Variants in ABCE1 observed in about 807,000 individuals in gnomAD.
ABCE1 encodes ATP binding cassette subfamily E member 1.
In ABCE1, 22 loss-of-function variants were observed where a neutral mutation model predicts 83.4. The observed-to-expected ratio is 0.26, with a 90% CI of 0.19 to 0.38. The LOEUF is 0.38. Ranked by LOEUF, ABCE1 falls within the 10% of genes least tolerant of loss-of-function variation. The probability of loss-of-function intolerance (pLI) is 1.00; values close to 1 mark genes in which losing one functional copy is unlikely to be tolerated. For synonymous variants in ABCE1, 204 were observed against 233.7 expected (o/e 0.87, Z 1.16); for missense variants, 330 against 721.9 (o/e 0.46, Z 6.22).
Position 145,105,691 on chromosome 4 carries a change from G to A in ABCE1, c.189+1G>A. ...TATTGGTTGTGGTATCTGTATTAAG[G>A]TAAGTAATATTTTATTTACTGGATC... On this transcript the variant is annotated splice_donor_variant, in intron 3 of 17. Transcript: ENST00000296577. LOFTEE classifies it high-confidence loss of function. 1 of 1,584,570 alleles carries A rather than the reference G, an allele frequency of 6.3e-7. No individual in the cohort carries two copies. Among genetic ancestry groups the A allele is most frequent in the Non-Finnish European group, 8.6e-7 (1 of 1,158,522 alleles).
At chr4:145,113,823 G>C (rs774127291) in intron 9 of ABCE1, among the ~76,000 whole-genome samples, 5 of 152,118 alleles carry the variant, frequency 3.3e-5, no homozygotes, top group Non-Finnish European at 5.9e-5. Flanking sequence ...TGTTAGATGG[G>C]TTAGGGACAG....
chr4:145,110,140 G>A lies in ABCE1; in HGVS notation c.443G>A (p.Arg148His), dbSNP rs1243976803. Reference sequence around the variant, plus strand: ...TGGCAGGAGATTTTGACTTATTTCCGTGGATCTGAATTACAAAATTACTTT... The same window carrying A: ...TGGCAGGAGATTTTGACTTATTTCCATGGATCTGAATTACAAAATTACTTT... ...PDWQEILTYF[R>H]GSELQNYFTK... Residue 148 changes from arginine to histidine, a missense_variant, in exon 6 of 18, where the codon CGT becomes CAT. Physicochemically the swap from Arg to His is conservative, Grantham distance 29. Coordinates refer to ENST00000296577, the MANE Select transcript of ABCE1 (RefSeq NM_002940.3). The A allele has an allele frequency of 3.2e-6, 5 of 1,576,288 alleles. No homozygotes were observed. Among genetic ancestry groups the A allele is most frequent in the Non-Finnish European group, 4.3e-6 (5 of 1,166,096 alleles).
At position 145,098,381 on chromosome 4, in the gene ABCE1, C is replaced by T. The variant is rs919093450; in HGVS notation, c.-66C>T. Reference sequence around the variant, plus strand: ...AAAGTGAAGGCAAGAGCTGATTTGGCCTCTGTGCTCCCCTCCGCAAGGGGA... The same window carrying T: ...AAAGTGAAGGCAAGAGCTGATTTGGTCTCTGTGCTCCCCTCCGCAAGGGGA... On this transcript the variant is annotated 5_prime_UTR_variant, in exon 1 of 18. Transcript: ENST00000296577. The T allele has an allele frequency of 6.6e-6, 1 of 152,392 alleles. No homozygotes were observed. Among genetic ancestry groups the T allele is most frequent in the African/African-American group, 2.4e-5 (1 of 41,482 alleles). The allele number at this position is 152,392 out of a possible 1,614,324, so 9.4% of individuals were successfully genotyped here. A position where few individuals can be genotyped will look rare whatever the true frequency, so the allele number is the denominator to read the frequency against.
At position 145,112,336 on chromosome 4, in the gene ABCE1, G is replaced by C. The variant is rs776333289; in HGVS notation, c.800+8G>C. Reference sequence around the variant, plus strand: ...TCTAATAAATCCAGATAGGTAAGTAGAGATCTGGCATATTACTGTGTTGTT... The same window carrying C: ...TCTAATAAATCCAGATAGGTAAGTACAGATCTGGCATATTACTGTGTTGTT... On this transcript the variant is annotated splice_region_variant and intron_variant, in intron 9 of 17. Coordinates refer to ENST00000296577, the MANE Select transcript of ABCE1 (RefSeq NM_002940.3). 1.3e-6 allele frequency: 2 copies of C among 1,525,438 alleles called. No homozygotes were observed. Among genetic ancestry groups the C allele is most frequent in the South Asian group, 1.2e-5 (1 of 82,740 alleles). The allele number at this position is 1,525,438 out of a possible 1,614,324, so 94.5% of individuals were successfully genotyped here.
rs775407247 is a variant in ABCE1 at position 145,101,017 on chromosome 4, A to G, written c.-28+2598A>G. 9.9e-4 allele frequency among the ~76,000 whole-genome samples: 151 copies of G among 152,092 alleles called. 2 individuals carry two copies. The highest frequency in any genetic ancestry group is 7.8e-4 in the Non-Finnish European group (53 of 68,020). On this transcript the variant is annotated intron_variant, in intron 1 of 17. Coordinates refer to ENST00000296577, the MANE Select transcript of ABCE1 (RefSeq NM_002940.3). ...GTGTATGTGTTTGTAGAGAGACAAT[A>G]TACATACACACACCCACGATAGATG... is the stretch of plus-strand genomic sequence containing the variant.
At chr4:145,110,552 C>A in intron 7 of ABCE1, 108 bp downstream of exon 7, 1 of 1,067,452 alleles carries the variant, frequency 9.4e-7, no homozygotes, top group African/African-American at 1.6e-5. Context: ...CTCTGCTTAC[C>A]ACAACCTCTG....
chr4:145,127,899 C>T lies in ABCE1; in HGVS notation c.*326C>T, dbSNP rs1749936573. The T allele has an allele frequency of 5.6e-6, 1 of 177,196 alleles. No individual in the cohort carries two copies. Among genetic ancestry groups the T allele is most frequent in the African/African-American group, 2.4e-5 (1 of 42,200 alleles). The allele number at this position is 177,196 out of a possible 1,614,324, so 11.0% of individuals were successfully genotyped here. On this transcript the variant is annotated 3_prime_UTR_variant, in exon 18 of 18. Transcript: ENST00000296577. ...TATATTCACGGTACCAAATGCTGAC[C>T]AGTGTTGCTCCATTTTTTAAATCTT... is the stretch of plus-strand genomic sequence containing the variant.
chr4:145,127,465 C>G (rs984389767), intron 17 of ABCE1, 61 bp from the exon 18 acceptor site: 1 of 1,437,708 alleles, frequency 7.0e-7, no homozygotes, highest in Non-Finnish European at 9.6e-7. Flanking sequence ...GAGTGAAAGT[C>G]TACTTTTACC....
Position 145,128,618 on chromosome 4 carries a change from A to G in ABCE1, c.*1045A>G, listed in dbSNP as rs531479770. The G allele has an allele frequency of 2.0e-5, 3 of 152,280 alleles. No homozygotes were observed. Among genetic ancestry groups the G allele is most frequent in the African/African-American group, 7.2e-5 (3 of 41,554 alleles). 9.4% of individuals were successfully genotyped at this position (152,280 alleles called of 1,614,324 possible). ...TTTTGTAGTTCCAAAAACCCATCTA[A>G]ATTTCTTGAGTTCCTGAATTTTGAA... is the stretch of plus-strand genomic sequence containing the variant. On this transcript the variant is annotated 3_prime_UTR_variant, in exon 18 of 18. Transcript: ENST00000296577.
chr4:145,110,488 T>A, intron 7 of ABCE1, 44 bp downstream of exon 7: 1 of 1,577,466 alleles, frequency 6.3e-7, no homozygotes, highest in African/African-American at 1.4e-5. Context: ...ATTTATTTAT[T>A]TTTTGAGACG....
intron 3 of ABCE1, among the ~76,000 whole-genome samples, chr4:145,106,958 C>T (rs1579210910): frequency 6.6e-6 from 1 of 151,902 alleles, no homozygotes; most frequent in Admixed American, 6.6e-5. Flanking sequence ...AGAATTGGTC[C>T]CCTAAGCTCA....
At chr4:145,105,471 A>T in intron 2 of ABCE1, 134 bp from the exon 3 acceptor site, 1 of 586,028 alleles carries the variant, frequency 1.7e-6, no homozygotes, top group South Asian at 2.3e-5. Flanking sequence ...TCTCAAATGT[A>T]TTTCTTTGTG....
At chr4:145,123,422 A>G in intron 15 of ABCE1, 56 bp from the exon 16 acceptor site, 4 of 1,588,846 alleles carry the variant, frequency 2.5e-6, no homozygotes, top group Admixed American at 1.7e-5. Context: ...GCTTAATATA[A>G]CAGTCGAATG....
chr4:145,123,393 T>A lies in ABCE1; in HGVS notation c.1517+36T>A, dbSNP rs756020503. ...TGCTCCTAGCCATATTTTGATTATG[T>A]ATACTGTCCTACAAGTGTGCTTAAT... On this transcript the variant is annotated intron_variant, in intron 15 of 17. Transcript: ENST00000296577. The A allele has an allele frequency of 1.8e-5, 28 of 1,595,630 alleles. No homozygotes were observed. The African/African-American group carries it at 2.8e-4, about 16-fold the overall frequency.
chr4:145,099,905 T>C (rs1749085542), intron 1 of ABCE1, among the ~76,000 whole-genome samples: 1 of 152,208 alleles, frequency 6.6e-6, no homozygotes, highest in Non-Finnish European at 1.5e-5. Context: ...TTTTGAACAC[T>C]TTTGTCTTCG....
intron 15 of ABCE1, 28 bp from the exon 16 acceptor site, chr4:145,123,450 A>G (rs201060564): frequency 1.6e-5 from 26 of 1,593,628 alleles, no homozygotes; most frequent in African/African-American, 2.7e-5. Context: ...ATAGAAAGCT[A>G]TAAGATTTCA....
chr4:145,121,313 T>C lies in ABCE1; in HGVS notation c.1205-20T>C, dbSNP rs750151919. Reference sequence around the variant, plus strand: ...GATCTGGGCAGTTTTTAGTGTCTTATGTATTTCATTATTTTGCAGGAGAAG... The same window carrying C: ...GATCTGGGCAGTTTTTAGTGTCTTACGTATTTCATTATTTTGCAGGAGAAG... On this transcript the variant is annotated intron_variant, in intron 12 of 17. Transcript: ENST00000296577. 23 of 1,612,804 alleles carry C rather than the reference T, an allele frequency of 1.4e-5. No homozygotes were observed. The highest frequency in any genetic ancestry group is 3.3e-4 in the Middle Eastern group (2 of 6,076).
chr4:145,103,968 T>G (rs1749225972), intron 1 of ABCE1, among the ~76,000 whole-genome samples: 1 of 152,014 alleles, frequency 6.6e-6, no homozygotes, highest in Admixed American at 6.6e-5. Context: ...GAATTAAATA[T>G]ATAAATTCAG....
intron 9 of ABCE1, among the ~76,000 whole-genome samples, chr4:145,113,881 G>A (rs2126707476): frequency 6.6e-6 from 1 of 152,170 alleles, no homozygotes; most frequent in South Asian, 2.1e-4. Flanking sequence ...CTAGAATACA[G>A]CAGAGAGAGA....
Sources: allele counts gnomAD v4.1 joint callset (sites outside exome capture counted in the v4.1 genomes callset), GRCh38; gene constraint gnomAD v4.1.1; transcripts MANE v1.5; gene names NCBI Gene and HGNC (gene_info 2026-07-23, HGNC 2026-07-21).